The following PCSK6 variants were observed in gnomAD, a reference collection of about 807,000 sequenced individuals.
The protein encoded by PCSK6 is paired basic amino acid cleaving enzyme 4.
In PCSK6, 85 loss-of-function variants were observed where a neutral mutation model predicts 123.3. That is an observed-to-expected ratio of 0.69 (90% CI 0.58 to 0.83). The LOEUF (loss-of-function observed/expected upper bound fraction) is 0.83. PCSK6 is among the 40% of genes least tolerant of loss of function. The pLI, the probability that PCSK6 is intolerant of heterozygous loss-of-function variation, is 0.00. For synonymous variants in PCSK6, 508 were observed against 516.0 expected (o/e 0.98, Z 0.21); for missense variants, 1,191 against 1,282.3 (o/e 0.93, Z 1.09).
intron 2 of PCSK6, among the ~76,000 whole-genome samples, chr15:101,442,002 C>A (rs2056767187): frequency 6.6e-6 from 1 of 152,210 alleles, no homozygotes; most frequent in Non-Finnish European, 1.5e-5. Context: ...TGTACAGAGG[C>A]TCCCTGCTGC....
chr15:101,401,414 G>A (rs61556093), intron 6 of PCSK6, among the ~76,000 whole-genome samples: 29,122 of 152,156 alleles, frequency 0.19, 3,112 homozygotes, highest in East Asian at 0.44. Flanking sequence ...GCTGCAGGAC[G>A]GCCCAGGGTA....
chr15:101,321,688 A>G (rs888725728), intron 18 of PCSK6, among the ~76,000 whole-genome samples: 2 of 152,246 alleles, frequency 1.3e-5, no homozygotes, highest in Non-Finnish European at 2.9e-5. Context: ...CCACCGCCTC[A>G]CCCTGCAAAA....
At chr15:101,380,979 A>G (rs2141501746) in intron 11 of PCSK6, among the ~76,000 whole-genome samples, 1 of 152,272 alleles carries the variant, frequency 6.6e-6, no homozygotes, top group African/African-American at 2.4e-5. Flanking sequence ...AACAGCTGCG[A>G]TGGCAGAATT....
rs773896916 is a variant in PCSK6 at position 101,398,560 on chromosome 15, G to A, written c.840C>T (p.Asp280=). 1.2e-5 allele frequency: 20 copies of A among 1,612,234 alleles called. No homozygotes were observed. Among genetic ancestry groups the A allele is most frequent in the East Asian group, 8.9e-5 (4 of 44,860 alleles). The change falls in exon 7 of 22, where the codon GAC becomes GAT. Residue 280 remains aspartate (D), a synonymous_variant. Transcript: ENST00000611716. The surrounding 1 kb of genome is among the most constrained non-coding windows in gnomAD (Gnocchi z 4.6). Reference sequence around the variant, plus strand: ...CCTCGACCACATCTGTGACATCGCCGTCCAGCATGCGGATGCCTGAAAGCA... The same window carrying A: ...CCTCGACCACATCTGTGACATCGCCATCCAGCATGCGGATGCCTGAAAGCA... ...NAKIGGIRML[D]GDVTDVVEAK... is the part of the protein sequence containing the mutation.
intron 19 of PCSK6, 141 bp from the exon 20 acceptor site, chr15:101,313,646 C>T: frequency 7.6e-7 from 1 of 1,314,396 alleles, no homozygotes. Flanking sequence ...TTCCCAGGTT[C>T]TGTGAGCTGG....
chr15:101,425,716 C>G (rs2056233664), intron 6 of PCSK6, among the ~76,000 whole-genome samples: 1 of 152,140 alleles, frequency 6.6e-6, no homozygotes, highest in African/African-American at 2.4e-5. Context: ...CAAATTCTAT[C>G]CCTACATTTT....
intron 1 of PCSK6, among the ~76,000 whole-genome samples, chr15:101,478,988 A>T (rs1328873605): frequency 1.3e-5 from 2 of 152,368 alleles, no homozygotes; most frequent in Non-Finnish European, 2.9e-5. Context: ...GATATAAAAA[A>T]TTCTAACAAT....
At chr15:101,455,356 C>A (rs1207731516) in intron 1 of PCSK6, among the ~76,000 whole-genome samples, 1 of 152,200 alleles carries the variant, frequency 6.6e-6, no homozygotes, top group South Asian at 2.1e-4. Context: ...CTCTTAGCTC[C>A]GGAAAGCGCT....
At chr15:101,467,935 C>A (rs1045996213) in intron 1 of PCSK6, among the ~76,000 whole-genome samples, 2 of 152,204 alleles carry the variant, frequency 1.3e-5, no homozygotes, top group African/African-American at 4.8e-5. Flanking sequence ...GTAGGTAATA[C>A]TGGTAATAGC....
intron 9 of PCSK6, among the ~76,000 whole-genome samples, chr15:101,388,907 G>T (rs895943403): frequency 2.0e-5 from 3 of 152,180 alleles, no homozygotes; most frequent in African/African-American, 7.2e-5. Flanking sequence ...GGGGGTCAAT[G>T]GGGAGTGTTA....
At chr15:101,383,578 C>T (rs2041971144) in intron 10 of PCSK6, among the ~76,000 whole-genome samples, 1 of 152,178 alleles carries the variant, frequency 6.6e-6, no homozygotes, top group Non-Finnish European at 1.5e-5. Context: ...AGAGGCCCCA[C>T]TGTCCTATGA....
Position 101,456,751 on chromosome 15 carries a change from C to T in PCSK6, c.298-13091G>A, listed in dbSNP as rs568845738. ...GGGAACATCTTCTCTACTCGTCTTTCGAGGCAAGATGGAGCCGGGGAGAGA... is the reference window on the plus strand; with the variant it reads ...GGGAACATCTTCTCTACTCGTCTTTTGAGGCAAGATGGAGCCGGGGAGAGA... On this transcript the variant is annotated intron_variant, in intron 1 of 21. Coordinates refer to ENST00000611716, the MANE Select transcript of PCSK6 (RefSeq NM_002570.5). Among the ~76,000 whole-genome samples, 10 of 152,212 alleles carry T rather than the reference C, an allele frequency of 6.6e-5. No homozygotes were observed. In the South Asian group the frequency reaches 1.2e-3, roughly 19 times the overall value.
chr15:101,388,440 A>G (rs1346318976), intron 9 of PCSK6, among the ~76,000 whole-genome samples: 1 of 152,216 alleles, frequency 6.6e-6, no homozygotes, highest in African/African-American at 2.4e-5. Context: ...ACTAAAGTAC[A>G]ATTTGGTTTT....
intron 17 of PCSK6, among the ~76,000 whole-genome samples, chr15:101,323,377 C>T (rs1222321723): frequency 2.6e-5 from 4 of 152,204 alleles, no homozygotes; most frequent in Non-Finnish European, 4.4e-5. Flanking sequence ...GCTGGCAGCC[C>T]AGGGCAAGCG....
At chr15:101,393,071 C>A (rs2042280307) in intron 8 of PCSK6, 141 bp downstream of exon 8, 1 of 744,394 alleles carries the variant, frequency 1.3e-6, no homozygotes, top group Non-Finnish European at 2.3e-6. Flanking sequence ...AAATTGTTCG[C>A]CGATGGGTGA....
intron 1 of PCSK6, among the ~76,000 whole-genome samples, chr15:101,481,641 C>G (rs1182601260): frequency 1.3e-5 from 2 of 152,094 alleles, no homozygotes; most frequent in Non-Finnish European, 2.9e-5. Context: ...ATTCAGGAGA[C>G]AGTGAGACAG....
At position 101,466,071 on chromosome 15, in the gene PCSK6, T is replaced by C. The variant is rs562768940; in HGVS notation, c.298-22411A>G. Among the ~76,000 whole-genome samples, 5 of 151,924 alleles carry C rather than the reference T, an allele frequency of 3.3e-5. No homozygotes were observed. In the East Asian group the frequency reaches 9.7e-4, roughly 29 times the overall value. Reference sequence around the variant, plus strand: ...ATGTCAGAGTGGATTAAAAAAACAATGTCCGTGCTCCAAAGGACACCATCA... The same window carrying C: ...ATGTCAGAGTGGATTAAAAAAACAACGTCCGTGCTCCAAAGGACACCATCA... On this transcript the variant is annotated intron_variant, in intron 1 of 21. Coordinates refer to ENST00000611716, the MANE Select transcript of PCSK6 (RefSeq NM_002570.5).
chr15:101,418,740 C>T (rs535180073), intron 6 of PCSK6, among the ~76,000 whole-genome samples: 4 of 152,150 alleles, frequency 2.6e-5, no homozygotes, highest in East Asian at 3.9e-4. Context: ...CTCGAGCTCC[C>T]GACATCAGGT....
intron 11 of PCSK6, among the ~76,000 whole-genome samples, chr15:101,373,318 G>C (rs527429081): frequency 2.1e-4 from 32 of 152,284 alleles, no homozygotes; most frequent in Middle Eastern, 3.4e-3. Flanking sequence ...TGGGGGCTAG[G>C]AGCCCAGCAG....
Sources: allele counts gnomAD v4.1 joint callset (sites outside exome capture counted in the v4.1 genomes callset), GRCh38; gene constraint gnomAD v4.1.1; non-coding constraint Gnocchi (gnomAD v3.1); transcripts MANE v1.5; gene names NCBI Gene and HGNC (gene_info 2026-07-23, HGNC 2026-07-21).